The following LMO7 variants were observed in gnomAD, a reference collection of about 807,000 sequenced individuals.
LMO7 encodes LIM domain only protein 7.
In LMO7, 120 loss-of-function variants were observed where a neutral mutation model predicts 206.5. The observed-to-expected ratio is 0.58, with a 90% CI of 0.50 to 0.68. LMO7 has a LOEUF of 0.68. Ranked by LOEUF, LMO7 falls within the 30% of genes least tolerant of loss-of-function variation. The pLI is 0.00. For synonymous variants in LMO7, 706 were observed against 681.5 expected, an observed-to-expected ratio of 1.04 and a Z score of -0.56; for missense variants, 1,959 against 1,957.9, an observed-to-expected ratio of 1.00 and a Z score of -0.01.
At chr13:75,775,694 A>G (rs986147861) in intron 4 of LMO7, among the ~76,000 whole-genome samples, 6 of 152,146 alleles carry the variant, frequency 3.9e-5, no homozygotes, top group Non-Finnish European at 7.4e-5. Context: ...TAACAAACAC[A>G]TGAAAAACAT....
At chr13:75,674,722 C>T (rs977847307) in intron 1 of LMO7, among the ~76,000 whole-genome samples, 2 of 152,110 alleles carry the variant, frequency 1.3e-5, no homozygotes, top group Non-Finnish European at 2.9e-5. Context: ...TGGGAATACA[C>T]AAAATTACAG....
intron 3 of LMO7, among the ~76,000 whole-genome samples, chr13:75,739,098 A>G (rs894880308): frequency 3.9e-5 from 6 of 152,204 alleles, no homozygotes; most frequent in African/African-American, 1.4e-4. Flanking sequence ...ATGGGATAAA[A>G]TCATCCCTGA....
At chr13:75,728,017 G>C (rs1230372919) in intron 3 of LMO7, among the ~76,000 whole-genome samples, 2 of 151,910 alleles carry the variant, frequency 1.3e-5, no homozygotes, top group African/African-American at 4.8e-5. Flanking sequence ...TCTTAATCCA[G>C]TCTATCATTG....
intron 27 of LMO7, among the ~76,000 whole-genome samples, chr13:75,850,560 A>C (rs779328049): frequency 6.6e-6 from 1 of 152,224 alleles, no homozygotes; most frequent in Non-Finnish European, 1.5e-5. Context: ...AGAACACTAT[A>C]TGACTATTGA....
At chr13:75,738,772 G>A (rs1283012083) in intron 3 of LMO7, among the ~76,000 whole-genome samples, 1 of 152,152 alleles carries the variant, frequency 6.6e-6, no homozygotes, top group Non-Finnish European at 1.5e-5. Flanking sequence ...ATGGTAAGAA[G>A]AGCTATTGAA....
In LMO7 at chr13:75,819,399, G is replaced by C; in HGVS notation, c.2071G>C (p.Ala691Pro). The change falls in exon 13 of 31, where the codon GCA becomes CCA. Residue 691 changes from alanine (A) to proline (P), a missense_variant. Transcript: ENST00000377534. ...EQDQKWQDDL[A>P]KWKDRRKSYT... ...GATGTGATTTTTCTGTCAGGACCTT[G>C]CAAAATGGAAAGATCGTCGAAAAAG... The C allele has an allele frequency of 6.2e-7, 1 of 1,603,332 alleles. No individual in the cohort carries two copies. Among genetic ancestry groups the C allele is most frequent in the Admixed American group, 1.7e-5 (1 of 57,348 alleles).
intron 3 of LMO7, among the ~76,000 whole-genome samples, chr13:75,756,731 A>G (rs2055819230): frequency 6.6e-6 from 1 of 152,222 alleles, no homozygotes; most frequent in Non-Finnish European, 1.5e-5. Flanking sequence ...GTTCACTGAC[A>G]TTCAAGTTGA....
At chr13:75,759,620 C>T (rs1043771128) in intron 3 of LMO7, among the ~76,000 whole-genome samples, 1 of 152,136 alleles carries the variant, frequency 6.6e-6, no homozygotes. Flanking sequence ...CTAGGTAGTT[C>T]GCACTGCCTT....
chr13:75,729,731 T>G (rs1356936071), intron 3 of LMO7, among the ~76,000 whole-genome samples: 1 of 151,800 alleles, frequency 6.6e-6, no homozygotes, highest in African/African-American at 2.4e-5. Context: ...TGCTTCCAGT[T>G]TTTGCCCATT....
intron 4 of LMO7, among the ~76,000 whole-genome samples, chr13:75,779,118 G>C (rs940523820): frequency 3.3e-5 from 5 of 152,120 alleles, no homozygotes; most frequent in African/African-American, 1.2e-4. Context: ...CCTCACCCAA[G>C]TGCATGCATC....
chr13:75,633,157 C>T (rs2035219129), upstream of LMO7, among the ~76,000 whole-genome samples: 1 of 152,072 alleles, frequency 6.6e-6, no homozygotes, highest in Non-Finnish European at 1.5e-5. Flanking sequence ...GCCACTGTGC[C>T]TCGCCGCACT....
At position 75,821,331 on chromosome 13, in the gene LMO7, T is replaced by G; in HGVS notation, c.2362T>G (p.Ser788Ala). 2 of 1,614,146 alleles carry G rather than the reference T, an allele frequency of 1.2e-6. No homozygotes were observed. Among genetic ancestry groups the G allele is most frequent in the Non-Finnish European group, 1.7e-6 (2 of 1,180,008 alleles). Residue 788 changes from serine (S) to alanine (A), a missense_variant, in exon 14 of 31, where the codon TCA (serine) becomes GCA (alanine). Transcript: ENST00000377534. ...RVEEKGATYP[S>A]EIPKEDSTTF... ...AGAAGAGAAGGGAGCAACTTATCCT[T>G]CAGAAATTCCCAAAGAAGATTCTAC...
intron 1 of LMO7, among the ~76,000 whole-genome samples, chr13:75,700,556 C>G (rs1013801222): frequency 2.6e-5 from 4 of 152,206 alleles, no homozygotes; most frequent in Admixed American, 2.6e-4. Flanking sequence ...GAACTTTCAC[C>G]TTTTCACTTA....
rs112364131 is a variant in LMO7, at chr13:75,812,986, C to G, written c.1946+3803C>G. On this transcript the variant is annotated intron_variant, in intron 11 of 30. Transcript: ENST00000377534. ...GGTACTTATCTCAAATCTGTGAGGC[C>G]GACAGATAGGGATGTGGAGATAGAG... Among the ~76,000 whole-genome samples, 381 of 152,240 alleles carry G rather than the reference C, an allele frequency of 2.5e-3. 3 individuals are homozygous for G. Among genetic ancestry groups the G allele is most frequent in the African/African-American group, 8.8e-3 (366 of 41,536 alleles).
chr13:75,812,515 A>AT (rs2141189676), intron 11 of LMO7, among the ~76,000 whole-genome samples: 1 of 151,374 alleles, frequency 6.6e-6, no homozygotes, highest in South Asian at 2.1e-4. Context: ...AATTTGCCAC[A>AT]TGCTGGTTCT....
intron 11 of LMO7, among the ~76,000 whole-genome samples, chr13:75,811,177 A>G (rs2056338518): frequency 6.7e-6 from 1 of 149,010 alleles, no homozygotes; most frequent in Non-Finnish European, 1.5e-5. Context: ...AGTTACCACT[A>G]CTTTTTCTTT....
At chr13:75,688,488 A>C (rs565344055) in intron 1 of LMO7, 12 of 152,326 alleles carry the variant, frequency 7.9e-5, no homozygotes, top group African/African-American at 2.9e-4. Context: ...CATTTAACAC[A>C]AGCAGGAACA....
At chr13:75,749,842 T>A (rs1298037168) in intron 3 of LMO7, among the ~76,000 whole-genome samples, 1 of 152,074 alleles carries the variant, frequency 6.6e-6, no homozygotes, top group Admixed American at 6.5e-5. Flanking sequence ...CTTTTTTTTT[T>A]TGGAGAGAAA....
chr13:75,718,031 G>T (rs2043701987), intron 2 of LMO7, among the ~76,000 whole-genome samples: 1 of 152,190 alleles, frequency 6.6e-6, no homozygotes, highest in Non-Finnish European at 1.5e-5. Flanking sequence ...GCAAACAATG[G>T]TGTAAGGGTT....
Sources: gnomAD v4.1 joint callset for allele counts (sites outside exome capture counted in the v4.1 genomes callset) on GRCh38, gnomAD v4.1.1 for gene constraint, MANE v1.5 for transcripts, NCBI Gene and HGNC (gene_info 2026-07-23, HGNC 2026-07-21) for gene names.